EIF2AK3: variants seen among roughly 807,000 people sequenced by gnomAD.
EIF2AK3 encodes the protein eukaryotic translation initiation factor 2 alpha kinase 3.
A neutral mutation model predicts 113.5 loss-of-function variants in EIF2AK3; 50 were observed. That is an observed-to-expected ratio of 0.44 (90% CI 0.35 to 0.56). The LOEUF (loss-of-function observed/expected upper bound fraction) is 0.56. EIF2AK3 is among the 20% of genes least tolerant of loss of function. The pLI is 0.00. For missense variants in EIF2AK3, 1,185 were observed against 1,378.0 expected (o/e 0.86, Z 2.22); for synonymous variants, 448 against 495.4 (o/e 0.90, Z 1.27).
At chr2:88,568,809 A>G (rs961235082) in intron 14 of EIF2AK3, among the ~76,000 whole-genome samples, 2 of 152,268 alleles carry the variant, frequency 1.3e-5, no homozygotes, top group African/African-American at 2.4e-5. Context: ...AATATGCTCT[A>G]GCTGCTCTTT....
chr2:88,574,241 C>A (rs539389638), intron 13 of EIF2AK3, among the ~76,000 whole-genome samples: 3 of 152,238 alleles, frequency 2.0e-5, no homozygotes, highest in South Asian at 4.2e-4. Flanking sequence ...TCCTTCCATT[C>A]GGATCCCTTT....
chr2:88,580,534 C>T (rs546425260), intron 10 of EIF2AK3, among the ~76,000 whole-genome samples: 2 of 152,198 alleles, frequency 1.3e-5, no homozygotes, highest in Admixed American at 1.3e-4. Flanking sequence ...CTTCTCCCAC[C>T]GCCACTGTAT....
At chr2:88,563,977 TA>T (rs1281290219) in intron 14 of EIF2AK3, among the ~76,000 whole-genome samples, 1 of 152,204 alleles carries the variant, frequency 6.6e-6, no homozygotes, top group Non-Finnish European at 1.5e-5. Flanking sequence ...CAGATAGATA[TA>T]TAATGTGTTA....
intron 11 of EIF2AK3, among the ~76,000 whole-genome samples, chr2:88,577,898 G>T (rs1674503164): frequency 6.6e-6 from 1 of 152,198 alleles, no homozygotes; most frequent in African/African-American, 2.4e-5. Flanking sequence ...TAAGAAGCTT[G>T]ACTTCCTTGA....
chr2:88,604,656 G>A (rs1675225787), intron 2 of EIF2AK3, among the ~76,000 whole-genome samples: 1 of 152,170 alleles, frequency 6.6e-6, no homozygotes, highest in African/African-American at 2.4e-5. Context: ...GCACAATTCT[G>A]CACGCCTCCC....
chr2:88,626,884 C>G, intron 1 of EIF2AK3, 83 bp downstream of exon 1: 1 of 1,546,030 alleles, frequency 6.5e-7, no homozygotes, highest in South Asian at 1.2e-5. Flanking sequence ...CGCCCGGGTC[C>G]CGGATCTCCG....
intron 2 of EIF2AK3, among the ~76,000 whole-genome samples, chr2:88,599,010 A>G (rs1675085732): frequency 6.6e-6 from 1 of 152,102 alleles, no homozygotes; most frequent in Non-Finnish European, 1.5e-5. Context: ...AAGTCTGAGC[A>G]CATAAGGTTT....
chr2:88,627,212 C>T lies in EIF2AK3; in HGVS notation c.63G>A (p.Leu21=), dbSNP rs984341375. The change falls in exon 1 of 17, where the codon CTG becomes CTA. Residue 21 remains leucine (L), a synonymous_variant. Coordinates refer to ENST00000303236, the MANE Select transcript of EIF2AK3 (RefSeq NM_004836.7). ...VRALLLLLLL[L]GLAARTVAAG... ...CGGCCACCGTCCTTGCCGCGAGCCC[C>T]AGCAGCAGCAGCAGCAGCAGCAGCG... 5.1e-4 allele frequency: 51 copies of T among 100,600 alleles called. No homozygotes were observed. The Middle Eastern group carries it at 0.011, about 22-fold the overall frequency. The allele number at this position is 100,600 out of a possible 1,614,324, so 6.2% of individuals were successfully genotyped here. A position where few individuals can be genotyped will look rare whatever the true frequency, so the allele number is the denominator to read the frequency against.
chr2:88,595,536 C>T lies in EIF2AK3; in HGVS notation c.566G>A (p.Gly189Glu). ...TCCTCCAACCAAAACAACATCATCT[C>T]CAAATTTATAAGAAGATTCAAGAAG... ...ESLLESSYKF[G>E]DDVVLVGGKS... The change falls in exon 3 of 17, where the codon GGA becomes GAA. Residue 189 changes from glycine (G) to glutamate (E), a missense_variant. Physicochemically the swap from Gly to Glu is moderately conservative, Grantham distance 98. Transcript: ENST00000303236. The T allele has an allele frequency of 6.2e-7, 1 of 1,614,032 alleles. No individual in the cohort carries two copies. The highest frequency in any genetic ancestry group is 8.5e-7 in the Non-Finnish European group (1 of 1,179,986).
chr2:88,593,351 C>T lies in EIF2AK3; in HGVS notation c.688G>A (p.Glu230Lys). 6.2e-7 allele frequency: 1 copy of T among 1,613,990 alleles called. No individual in the cohort carries two copies. The change falls in exon 4 of 17, where the codon GAA becomes AAA. Residue 230 changes from glutamate (E) to lysine (K), a missense_variant. Coordinates refer to ENST00000303236, the MANE Select transcript of EIF2AK3 (RefSeq NM_004836.7). ...GCRQWDSDEM[E>K]QEEDILLLQR... Reference sequence around the variant, plus strand: ...AGAAGCAGGATGTCTTCCTCTTGTTCCATTTCGTCACTATCCCATTGGCGA... The same window carrying T: ...AGAAGCAGGATGTCTTCCTCTTGTTTCATTTCGTCACTATCCCATTGGCGA...
At chr2:88,565,110 C>A (rs1389352643) in intron 14 of EIF2AK3, among the ~76,000 whole-genome samples, 1 of 149,606 alleles carries the variant, frequency 6.7e-6, no homozygotes, top group African/African-American at 2.5e-5. Flanking sequence ...GATGTCGGCT[C>A]ACTGCAACCT....
chr2:88,579,904 A>G (rs1179989840), intron 10 of EIF2AK3: 3 of 388,768 alleles, frequency 7.7e-6, no homozygotes, highest in Non-Finnish European at 1.4e-5. Context: ...ACTTTTTCTT[A>G]CAACTGCTGC....
At chr2:88,626,836 A>T in intron 1 of EIF2AK3, 131 bp downstream of exon 1, 1 of 1,252,412 alleles carries the variant, frequency 8.0e-7, no homozygotes, top group Non-Finnish European at 1.1e-6. Flanking sequence ...GCTCGTCCCC[A>T]GGTCGCCAGC....
chr2:88,595,664 C>G lies in EIF2AK3; in HGVS notation c.439-1G>C. 6.2e-7 allele frequency: 1 copy of G among 1,613,708 alleles called. No homozygotes were observed. The highest frequency in any genetic ancestry group is 8.5e-7 in the Non-Finnish European group (1 of 1,179,742). ...GAATGATCATCTTATTCCCAAATAC[C>G]TAAAACAGAAGCTAACTTTTTAAAA... On this transcript the variant is annotated splice_acceptor_variant, in intron 2 of 16. Coordinates refer to ENST00000303236, the MANE Select transcript of EIF2AK3 (RefSeq NM_004836.7). LOFTEE classifies it high-confidence loss of function.
Position 88,557,173 on chromosome 2 carries a change from AGCTATTGAAT to A in EIF2AK3, c.*553_*562del, listed in dbSNP as rs1673799629. 1 of 154,970 alleles carries A rather than the reference AGCTATTGAAT, an allele frequency of 6.5e-6. No individual in the cohort carries two copies. The highest frequency in any genetic ancestry group is 2.0e-4 in the South Asian group (1 of 5,010). The allele number at this position is 154,970 out of a possible 1,614,324, so 9.6% of individuals were successfully genotyped here. On this transcript the variant is annotated 3_prime_UTR_variant, in exon 17 of 17. Coordinates refer to ENST00000303236, the MANE Select transcript of EIF2AK3 (RefSeq NM_004836.7). ...CACCCTAGAACCATCTAAGGAATAA[AGCTATTGAAT>A]GCTACAAATAGGACTATAAAACTAC...
intron 10 of EIF2AK3, among the ~76,000 whole-genome samples, chr2:88,582,178 C>T (rs1381839006): frequency 3.9e-5 from 6 of 152,180 alleles, no homozygotes; most frequent in Non-Finnish European, 8.8e-5. Context: ...TTGAACTCCT[C>T]ATGCCTTCCA....
At chr2:88,573,032 G>T (rs1674353182) in intron 13 of EIF2AK3, among the ~76,000 whole-genome samples, 1 of 151,366 alleles carries the variant, frequency 6.6e-6, no homozygotes, top group Non-Finnish European at 1.5e-5. Context: ...GGCCTAGAAG[G>T]TTTAACATTG....
chr2:88,617,226 G>A (rs375526482), intron 1 of EIF2AK3, among the ~76,000 whole-genome samples: 142 of 152,288 alleles, frequency 9.3e-4, no homozygotes, highest in African/African-American at 3.2e-3. Flanking sequence ...CAAGAGCAAA[G>A]ACACGGAATC....
intron 1 of EIF2AK3, among the ~76,000 whole-genome samples, chr2:88,614,491 C>T (rs1440278783): frequency 2.6e-5 from 4 of 152,148 alleles, no homozygotes; most frequent in East Asian, 3.9e-4. Flanking sequence ...TAACATACTT[C>T]TGCCTCAATT....
Sources: allele counts gnomAD v4.1 joint callset (sites outside exome capture counted in the v4.1 genomes callset), GRCh38; gene constraint gnomAD v4.1.1; transcripts MANE v1.5; gene names NCBI Gene and HGNC (gene_info 2026-07-23, HGNC 2026-07-21).